EPB41L4A: variants seen among roughly 807,000 people sequenced by gnomAD.
EPB41L4A encodes the protein erythrocyte membrane protein band 4.1 like 4A.
Under a neutral mutation model 108.6 loss-of-function variants are expected in EPB41L4A, and 100 were observed. The ratio of observed to expected loss-of-function variants is 0.92; its 90% CI spans 0.78 to 1.09. EPB41L4A has a LOEUF of 1.09. Ranked by LOEUF, EPB41L4A falls within the 50% of genes least tolerant of loss-of-function variation. EPB41L4A has a pLI of 0.00. For missense variants in EPB41L4A, 1,030 were observed against 842.7 expected (o/e 1.22, Z -2.75); for synonymous variants, 319 against 289.0 (o/e 1.10, Z -1.05).
intron 2 of EPB41L4A, among the ~76,000 whole-genome samples, chr5:112,287,218 C>T (rs1753345795): frequency 6.6e-6 from 1 of 152,194 alleles, no homozygotes; most frequent in African/African-American, 2.4e-5. Context: ...ACTTAGATGC[C>T]TGTTAGAATC....
chr5:112,281,731 G>T (rs1416046626), intron 2 of EPB41L4A, among the ~76,000 whole-genome samples: 1 of 152,174 alleles, frequency 6.6e-6, no homozygotes, highest in African/African-American at 2.4e-5. Flanking sequence ...GCTATGTAAC[G>T]GTAGCAATAA....
intron 17 of EPB41L4A, among the ~76,000 whole-genome samples, chr5:112,191,107 A>T (rs1761675604): frequency 6.6e-6 from 1 of 152,194 alleles, no homozygotes; most frequent in Non-Finnish European, 1.5e-5. Flanking sequence ...AAAAATTATC[A>T]TCTCAAATCT....
chr5:112,358,339 A>G (rs779937160), intron 1 of EPB41L4A, among the ~76,000 whole-genome samples: 3 of 152,210 alleles, frequency 2.0e-5, no homozygotes, highest in Non-Finnish European at 4.4e-5. Context: ...TTAACTTTAT[A>G]ATTTAGTTTC....
chr5:112,330,066 A>ATAAAGTATACTTTATACTTT (rs1235433915), intron 1 of EPB41L4A, among the ~76,000 whole-genome samples: 4 of 152,194 alleles, frequency 2.6e-5, no homozygotes, highest in African/African-American at 9.6e-5. Flanking sequence ...CTTTAAAAGT[A>ATAAAGTATACTTTATACTTT]TAAAGTATAC....
At chr5:112,335,292 C>A (rs1328299886) in intron 1 of EPB41L4A, among the ~76,000 whole-genome samples, 2 of 152,174 alleles carry the variant, frequency 1.3e-5, no homozygotes, top group Admixed American at 1.3e-4. Flanking sequence ...TAAGGACCCT[C>A]CTTCTTGAAC....
chr5:112,329,275 G>A (rs572698645), intron 1 of EPB41L4A, among the ~76,000 whole-genome samples: 2 of 152,168 alleles, frequency 1.3e-5, no homozygotes, highest in African/African-American at 4.8e-5. Context: ...CTTTTTAAAT[G>A]CAACTAGCTG....
At chr5:112,415,650 G>C (rs994885505) in intron 1 of EPB41L4A, among the ~76,000 whole-genome samples, 1 of 152,140 alleles carries the variant, frequency 6.6e-6, no homozygotes, top group Admixed American at 6.5e-5. Context: ...CCTCAGCACA[G>C]AGAACTAGAA....
chr5:112,322,370 G>A (rs1355139931), intron 1 of EPB41L4A, among the ~76,000 whole-genome samples: 1 of 152,148 alleles, frequency 6.6e-6, no homozygotes, highest in Non-Finnish European at 1.5e-5. Flanking sequence ...ATTTTACTGG[G>A]AGAACTAAAG....
At chr5:112,145,141 T>C (rs142359604) in intron 13 of EPB41L4A, among the ~76,000 whole-genome samples, 7,744 of 152,150 alleles carry the variant, frequency 0.051, 674 homozygotes, top group African/African-American at 0.18. Context: ...AATACAAAAA[T>C]TAGCCAGGCG....
chr5:112,173,942 T>G (rs1390272778), intron 18 of EPB41L4A, among the ~76,000 whole-genome samples: 1 of 152,162 alleles, frequency 6.6e-6, no homozygotes, highest in Non-Finnish European at 1.5e-5. Context: ...GTGCCTAGCC[T>G]GAGAAATGTT....
chr5:112,416,593 T>G (rs1762731300), intron 1 of EPB41L4A, among the ~76,000 whole-genome samples: 1 of 152,180 alleles, frequency 6.6e-6, no homozygotes, highest in Non-Finnish European at 1.5e-5. Flanking sequence ...TCAAAATTAC[T>G]AAGTATACTA....
At chr5:112,190,389 C>T (rs981206588) in intron 17 of EPB41L4A, among the ~76,000 whole-genome samples, 3 of 152,206 alleles carry the variant, frequency 2.0e-5, no homozygotes, top group Middle Eastern at 3.4e-3. Flanking sequence ...ACGCACTTGA[C>T]GCCCACATAC....
At chr5:112,161,263 G>A (rs1369664398), downstream of EPB41L4A, 1 of 304,830 alleles carries the variant, frequency 3.3e-6, no homozygotes, top group African/African-American at 2.2e-5. Flanking sequence ...TTCCACGTGC[G>A]GTGCTCGTCG....
At chr5:112,271,345 T>C (rs1752251237) in intron 4 of EPB41L4A, among the ~76,000 whole-genome samples, 1 of 152,232 alleles carries the variant, frequency 6.6e-6, no homozygotes, top group Admixed American at 6.5e-5. Flanking sequence ...CAATAACCAT[T>C]ATTTCCATGT....
chr5:112,306,970 C>CT (rs201741424), intron 2 of EPB41L4A, among the ~76,000 whole-genome samples: 14 of 149,048 alleles, frequency 9.4e-5, no homozygotes, highest in African/African-American at 2.5e-4. Context: ...TAGGTAGTCA[C>CT]TTTTTTTTTT....
rs1247325512 is a variant in EPB41L4A at position 112,168,812 on chromosome 5, G to C, written c.1859C>G (p.Thr620Arg). 2.5e-6 allele frequency: 4 copies of C among 1,613,646 alleles called. No individual in the cohort carries two copies. In the Admixed American group the frequency reaches 6.7e-5, roughly 27 times the overall value. ...RSVLSEVNSK[T>R]DLVPPLPVTR... ...CACCGGAAGTGGTGGTACAAGATCT[G>C]TTTTTGAACTGCAGAGAATGAGTTT... The change falls in exon 22 of 23, where the codon ACA (threonine) becomes AGA (arginine). Residue 620 changes from threonine to arginine, a missense_variant. Coordinates refer to ENST00000261486, the MANE Select transcript of EPB41L4A (RefSeq NM_022140.5).
chr5:112,273,180 T>C (rs780744918), intron 4 of EPB41L4A, among the ~76,000 whole-genome samples: 1 of 152,258 alleles, frequency 6.6e-6, no homozygotes, highest in Non-Finnish European at 1.5e-5. Context: ...TATCAATGTA[T>C]TAAACGCACA....
Position 112,352,092 on chromosome 5 carries a change from C to T in EPB41L4A, c.100-44602G>A, listed in dbSNP as rs377124549. 7.2e-5 allele frequency among the ~76,000 whole-genome samples: 11 copies of T among 152,316 alleles called. No homozygotes were observed. The East Asian group carries it at 1.5e-3, about 21-fold the overall frequency. Reference sequence around the variant, plus strand: ...TATCTTTTTAAAAAAAACACTTTCTCATTTCATTGGTCCTTGTATTTTCTA... The same window carrying T: ...TATCTTTTTAAAAAAAACACTTTCTTATTTCATTGGTCCTTGTATTTTCTA... On this transcript the variant is annotated intron_variant, in intron 1 of 22. Transcript: ENST00000261486.
At chr5:112,171,353 A>C (rs984035174) in intron 18 of EPB41L4A, among the ~76,000 whole-genome samples, 5 of 152,148 alleles carry the variant, frequency 3.3e-5, no homozygotes, top group Admixed American at 2.0e-4. Context: ...TAAAAGAAGA[A>C]CTCATCCTGA....
Sources: allele counts gnomAD v4.1 joint callset (sites outside exome capture counted in the v4.1 genomes callset), GRCh38; gene constraint gnomAD v4.1.1; transcripts MANE v1.5; gene names NCBI Gene and HGNC (gene_info 2026-07-23, HGNC 2026-07-21).